Variants in NIPA2 observed in about 807,000 individuals in gnomAD.
The protein encoded by NIPA2 is NIPA magnesium transporter 2, also known as magnesium transporter NIPA2.
Under a neutral mutation model 29.7 loss-of-function variants are expected in NIPA2, and 11 were observed. The ratio of observed to expected loss-of-function variants is 0.37; its 90% CI spans 0.23 to 0.61. The LOEUF is 0.61. Among genes scored for constraint, NIPA2 ranks in the 20% least tolerant of loss-of-function variants. The pLI is 0.66. For synonymous variants in NIPA2, 183 were observed against 161.9 expected, an observed-to-expected ratio of 1.13 and a Z score of -0.99; for missense variants, 426 against 437.9, an observed-to-expected ratio of 0.97 and a Z score of 0.24.
At chr15:22,845,033 G>C (rs1221840637) in intron 2 of NIPA2, 113 bp from the exon 3 acceptor site, 2 of 152,166 alleles carry the variant, frequency 1.3e-5, no homozygotes, top group Admixed American at 1.3e-4. Flanking sequence ...GAACCACATG[G>C]AGCTTGGGAA....
chr15:22,858,362 G>C (rs1181181267), intron 5 of NIPA2, among the ~76,000 whole-genome samples, 178 bp from the exon 6 acceptor site: 1 of 152,078 alleles, frequency 6.6e-6, no homozygotes, highest in African/African-American at 2.4e-5. Flanking sequence ...CCACTGCACT[G>C]CAGCCTGGGC....
rs748265424 is a variant in NIPA2 at position 22,866,541 on chromosome 15, A to G, written c.777A>G (p.Ser259=). 1.2e-6 allele frequency: 2 copies of G among 1,613,800 alleles called. No individual in the cohort carries two copies. The highest frequency in any genetic ancestry group is 1.7e-6 in the Non-Finnish European group (2 of 1,179,790). ...TPIYYVFFTT[S]VLTCSAILFK... Reference sequence around the variant, plus strand: ...TATATTATGTATTCTTTACAACATCAGTTTTAACTTGTTCAGCTATTCTTT... The same window carrying G: ...TATATTATGTATTCTTTACAACATCGGTTTTAACTTGTTCAGCTATTCTTT... Residue 259 remains serine, a synonymous_variant, in exon 8 of 8, where the codon TCA becomes TCG. Transcript: ENST00000337451.
At chr15:22,842,587 G>A (rs983929310) in intron 2 of NIPA2, among the ~76,000 whole-genome samples, 1 of 151,684 alleles carries the variant, frequency 6.6e-6, no homozygotes, top group African/African-American at 2.4e-5. Context: ...CCAGCACTTT[G>A]GGAGGCCGAG....
At chr15:22,865,188 C>A (rs1208221445) in intron 7 of NIPA2, among the ~76,000 whole-genome samples, 4 of 147,550 alleles carry the variant, frequency 2.7e-5, no homozygotes. Flanking sequence ...GTATTTGTGT[C>A]TTTAATAATC....
intron 5 of NIPA2, among the ~76,000 whole-genome samples, chr15:22,856,197 C>A (rs930307916): frequency 6.6e-6 from 1 of 151,940 alleles, no homozygotes; most frequent in Non-Finnish European, 1.5e-5. Context: ...TTAAAAAATA[C>A]ACAACAATAG....
intron 2 of NIPA2, among the ~76,000 whole-genome samples, chr15:22,843,682 G>A (rs548968222): frequency 1.1e-4 from 16 of 149,930 alleles, no homozygotes; most frequent in Non-Finnish European, 2.4e-4. Context: ...ACGGAGTCTC[G>A]CCCTGTGGCC....
intron 3 of NIPA2, among the ~76,000 whole-genome samples, chr15:22,851,041 A>G: frequency 6.6e-6 from 1 of 152,174 alleles, no homozygotes; most frequent in East Asian, 1.9e-4. Flanking sequence ...AGCCCTCCAG[A>G]TACCATGGTC....
At chr15:22,849,043 A>G (rs1034040710) in intron 3 of NIPA2, among the ~76,000 whole-genome samples, 1 of 152,130 alleles carries the variant, frequency 6.6e-6, no homozygotes, top group African/African-American at 2.4e-5. Flanking sequence ...GAACAGTGTA[A>G]GCACACCTGC....
intron 7 of NIPA2, 97 bp from the exon 8 acceptor site, chr15:22,866,116 C>T (rs2059045283): frequency 4.0e-6 from 4 of 1,002,174 alleles, no homozygotes; most frequent in South Asian, 1.7e-5. Context: ...CAGGCCATAC[C>T]TTTTCTCCCT....
intron 7 of NIPA2, among the ~76,000 whole-genome samples, chr15:22,864,370 G>A (rs796265882): frequency 6.6e-4 from 101 of 152,242 alleles, no homozygotes; most frequent in African/African-American, 2.3e-3. Context: ...TAGCCAGGAT[G>A]GTCTCGATCT....
chr15:22,864,531 G>C (rs569434616), intron 7 of NIPA2, among the ~76,000 whole-genome samples: 1 of 152,280 alleles, frequency 6.6e-6, no homozygotes, highest in South Asian at 2.1e-4. Flanking sequence ...GCTGGCTGTG[G>C]GCATCCTGGG....
At chr15:22,841,512 T>G (rs549312444) in intron 2 of NIPA2, among the ~76,000 whole-genome samples, 1 of 151,518 alleles carries the variant, frequency 6.6e-6, no homozygotes, top group South Asian at 2.1e-4. Context: ...GACACTCACC[T>G]TTTTTTTTCT....
chr15:22,853,434 C>T (rs960865349), intron 5 of NIPA2, among the ~76,000 whole-genome samples, 166 bp downstream of exon 5: 7 of 147,130 alleles, frequency 4.8e-5, no homozygotes, highest in African/African-American at 1.8e-4. Flanking sequence ...AGTGCAGTGG[C>T]GTGATCTTGG....
intron 3 of NIPA2, among the ~76,000 whole-genome samples, chr15:22,850,689 T>G (rs2092138976): frequency 6.6e-6 from 1 of 152,102 alleles, no homozygotes; most frequent in African/African-American, 2.4e-5. Flanking sequence ...ATGGATAAAG[T>G]AATTGAGGGG....
At chr15:22,842,505 T>C (rs12915199) in intron 2 of NIPA2, among the ~76,000 whole-genome samples, 30,749 of 150,170 alleles carry the variant, frequency 0.2, 3,370 homozygotes, top group Admixed American at 0.31. Context: ...CTGGCTAACA[T>C]GGTGAAACCC....
chr15:22,847,482 C>T (rs56942758), intron 3 of NIPA2, among the ~76,000 whole-genome samples: 31,941 of 150,046 alleles, frequency 0.21, 3,602 homozygotes, highest in Admixed American at 0.31. Context: ...TTTTTTTTTC[C>T]GAGACGGAGT....
In NIPA2 at chr15:22,867,006, T is replaced by A; in HGVS notation, c.*159T>A. ...ACCAAGAAATTACTTTTCTTGTATT[T>A]AAACAAACAATGGTAGCTCACTAAA... is the stretch of plus-strand genomic sequence containing the variant. On this transcript the variant is annotated 3_prime_UTR_variant, in exon 8 of 8. Transcript: ENST00000337451. The A allele has an allele frequency of 1.5e-6, 1 of 667,568 alleles. No individual in the cohort carries two copies. The highest frequency in any genetic ancestry group is 2.4e-6 in the Non-Finnish European group (1 of 409,330). 41.4% of individuals were successfully genotyped at this position (667,568 alleles called of 1,614,324 possible). A position where few individuals can be genotyped will look rare whatever the true frequency, so the allele number is the denominator to read the frequency against.
At chr15:22,847,664 A>G in intron 3 of NIPA2, among the ~76,000 whole-genome samples, 1 of 152,158 alleles carries the variant, frequency 6.6e-6, no homozygotes, top group Non-Finnish European at 1.5e-5. Context: ...GGGTTTCACC[A>G]TGTTGGCAAG....
At chr15:22,854,819 A>T (rs2058062529) in intron 5 of NIPA2, among the ~76,000 whole-genome samples, 1 of 152,136 alleles carries the variant, frequency 6.6e-6, no homozygotes, top group Non-Finnish European at 1.5e-5. Context: ...GATGTTATTC[A>T]CCAGGTATTC....
Sources: allele counts gnomAD v4.1 joint callset (sites outside exome capture counted in the v4.1 genomes callset), GRCh38; gene constraint gnomAD v4.1.1; transcripts MANE v1.5; gene names NCBI Gene and HGNC (gene_info 2026-07-23, HGNC 2026-07-21).